CAMTA1: variants seen among roughly 807,000 people sequenced by gnomAD.
The protein encoded by CAMTA1 is calmodulin binding transcription activator 1.
Under a neutral mutation model 170.9 loss-of-function variants are expected in CAMTA1, and 27 were observed. The observed-to-expected ratio is 0.16, with a 90% confidence interval of 0.12 to 0.22. The LOEUF is 0.22. Ranked by LOEUF, CAMTA1 falls within the 10% of genes least tolerant of loss-of-function variation. CAMTA1 has a pLI of 1.00. For missense variants in CAMTA1, 1,619 were observed against 2,217.2 expected (o/e 0.73, Z 5.42); for synonymous variants, 833 against 891.5 (o/e 0.93, Z 1.17).
At chr1:7,084,164 C>CAT (rs980857658) in intron 3 of CAMTA1, among the ~76,000 whole-genome samples, 1,782 of 151,286 alleles carry the variant, frequency 0.012, 34 homozygotes, top group African/African-American at 0.04. Flanking sequence ...TGTATAAATA[C>CAT]ATATATATAT....
At chr1:7,451,899 A>G (rs2092833798) in intron 5 of CAMTA1, among the ~76,000 whole-genome samples, 1 of 152,192 alleles carries the variant, frequency 6.6e-6, no homozygotes, top group African/African-American at 2.4e-5. Context: ...GCAGAAATAC[A>G]TGAAAGGTCA....
chr1:7,724,259 A>G (rs2096668347), intron 11 of CAMTA1, among the ~76,000 whole-genome samples: 2 of 152,238 alleles, frequency 1.3e-5, no homozygotes, highest in African/African-American at 4.8e-5. Flanking sequence ...TCATGGAAAA[A>G]GTGCTAAAAT....
intron 4 of CAMTA1, among the ~76,000 whole-genome samples, chr1:7,221,361 C>T (rs139652874): frequency 3.3e-5 from 5 of 152,034 alleles, no homozygotes; most frequent in East Asian, 1.9e-4. Context: ...GTGTGAGACT[C>T]GGAGAGTTGG....
chr1:7,126,254 C>G (rs1644926469), intron 4 of CAMTA1, among the ~76,000 whole-genome samples: 1 of 152,110 alleles, frequency 6.6e-6, no homozygotes, highest in Non-Finnish European at 1.5e-5. Flanking sequence ...ACCATGTCAC[C>G]CAGCAGTCCC....
chr1:7,399,466 C>T (rs1456414898), intron 5 of CAMTA1, among the ~76,000 whole-genome samples: 1 of 152,138 alleles, frequency 6.6e-6, no homozygotes, highest in African/African-American at 2.4e-5. Flanking sequence ...TATAGCAACA[C>T]AAAAATGGAC....
chr1:6,949,655 C>T (rs182165001), intron 3 of CAMTA1, among the ~76,000 whole-genome samples: 75 of 152,364 alleles, frequency 4.9e-4, no homozygotes, highest in Non-Finnish European at 1.1e-3. Flanking sequence ...AGTCAGATCC[C>T]TGCAGCTCAC....
chr1:6,987,346 G>A (rs1695533391), intron 3 of CAMTA1, among the ~76,000 whole-genome samples: 1 of 152,188 alleles, frequency 6.6e-6, no homozygotes, highest in East Asian at 1.9e-4. Flanking sequence ...TGTATTTTTA[G>A]TAGAGACGGA....
In CAMTA1 at chr1:7,426,251, G is replaced by T. The variant is rs752686966; in HGVS notation, c.439-41579G>T. Among the ~76,000 whole-genome samples the T allele has an allele frequency of 1.3e-5, 2 of 152,168 alleles. No individual in the cohort carries two copies. The highest frequency in any genetic ancestry group is 2.9e-5 in the Non-Finnish European group (2 of 68,034). On this transcript the variant is annotated intron_variant, in intron 5 of 22. Transcript: ENST00000303635. The surrounding 1 kb of genome is among the most constrained non-coding windows in gnomAD (Gnocchi z 4.8). ...CAGGTGCCCAGGGCCAGAGAGAGCT[G>T]CACGGTCCGAAGCTCAGAGCATCCT...
At chr1:7,032,605 A>G (rs1046974506) in intron 3 of CAMTA1, among the ~76,000 whole-genome samples, 6 of 152,134 alleles carry the variant, frequency 3.9e-5, no homozygotes, top group Non-Finnish European at 8.8e-5. Flanking sequence ...TAAGGAATAA[A>G]AAGTCTTTAT....
chr1:7,659,501 T>C (rs2095935855), intron 7 of CAMTA1, among the ~76,000 whole-genome samples: 1 of 151,788 alleles, frequency 6.6e-6, no homozygotes, highest in Non-Finnish European at 1.5e-5. Flanking sequence ...GCCACTGCAC[T>C]CCAGCCTGGG....
intron 5 of CAMTA1, among the ~76,000 whole-genome samples, chr1:7,309,723 A>G (rs1676176779): frequency 6.6e-6 from 1 of 151,904 alleles, no homozygotes; most frequent in African/African-American, 2.4e-5. Flanking sequence ...CTCTTTGTAT[A>G]GTTTTTTAAT....
chr1:7,410,848 G>C (rs55782820), intron 5 of CAMTA1, among the ~76,000 whole-genome samples: 2,170 of 152,162 alleles, frequency 0.014, 25 homozygotes, highest in Non-Finnish European at 0.02. Flanking sequence ...CTTGCTAGTT[G>C]TGTCACTAAA....
At chr1:7,432,572 C>A (rs1183025467) in intron 5 of CAMTA1, among the ~76,000 whole-genome samples, 1 of 152,158 alleles carries the variant, frequency 6.6e-6, no homozygotes, top group Non-Finnish European at 1.5e-5. Flanking sequence ...GTGGGGTCAC[C>A]ACGGGGCCAG....
intron 5 of CAMTA1, among the ~76,000 whole-genome samples, chr1:7,277,093 A>G (rs1050836772): frequency 5.9e-5 from 9 of 152,178 alleles, no homozygotes; most frequent in South Asian, 2.1e-4. Context: ...GTGATATACC[A>G]TGTTCATGGA....
chr1:7,654,001 T>A (rs1398162977), intron 7 of CAMTA1, among the ~76,000 whole-genome samples: 2 of 152,114 alleles, frequency 1.3e-5, no homozygotes, highest in African/African-American at 4.8e-5. Context: ...CCTGAGTCTG[T>A]GATTCGGTGG....
intron 6 of CAMTA1, among the ~76,000 whole-genome samples, chr1:7,533,258 G>A (rs114591362): frequency 6.6e-6 from 1 of 152,262 alleles, no homozygotes; most frequent in African/African-American, 2.4e-5. Flanking sequence ...TCCACTCCAG[G>A]CTCCACTGAG....
intron 4 of CAMTA1, among the ~76,000 whole-genome samples, chr1:7,138,779 G>A (rs1284000048): frequency 1.3e-5 from 2 of 152,072 alleles, no homozygotes; most frequent in Non-Finnish European, 2.9e-5. Flanking sequence ...CGGATCATTT[G>A]ATGTCAGGAG....
intron 2 of CAMTA1, among the ~76,000 whole-genome samples, chr1:6,823,806 A>G (rs1646798661): frequency 6.6e-6 from 1 of 152,156 alleles, no homozygotes; most frequent in African/African-American, 2.4e-5. Context: ...GGAAAAAGAT[A>G]TTGTTGTATT....
At chr1:7,361,704 A>T (rs2085553682) in intron 5 of CAMTA1, among the ~76,000 whole-genome samples, 1 of 152,236 alleles carries the variant, frequency 6.6e-6, no homozygotes, top group African/African-American at 2.4e-5. Flanking sequence ...ATGGCAATAA[A>T]TTTCTTATGC....
Sources: gnomAD v4.1 joint callset for allele counts (sites outside exome capture counted in the v4.1 genomes callset) on GRCh38, gnomAD v4.1.1 for gene constraint, Gnocchi (gnomAD v3.1) non-coding constraint, MANE v1.5 for transcripts, NCBI Gene and HGNC (gene_info 2026-07-23, HGNC 2026-07-21) for gene names.